The following HEY2 variants were observed in gnomAD, a reference collection of about 807,000 sequenced individuals.
The protein encoded by HEY2 is hes related family bHLH transcription factor with YRPW motif 2.
In HEY2, 10 loss-of-function variants were observed where a neutral mutation model predicts 18.1. The observed-to-expected ratio is 0.55, with a 90% CI of 0.34 to 0.94. The LOEUF is 0.94. Among genes scored for constraint, HEY2 ranks in the 40% least tolerant of loss-of-function variants. HEY2 has a pLI of 0.02. For missense variants in HEY2, 455 were observed against 455.9 expected (o/e 1.00, Z 0.02); for synonymous variants, 210 against 182.7 (o/e 1.15, Z -1.21).
At chr6:125,750,027 G>T (rs1773509212) in intron 1 of HEY2, among the ~76,000 whole-genome samples, 168 bp downstream of exon 1, 1 of 152,196 alleles carries the variant, frequency 6.6e-6, no homozygotes, top group Non-Finnish European at 1.5e-5. Context: ...GCGTGAGTTG[G>T]GATGGGGCAA....
chr6:125,757,105 T>G (rs1416543718), intron 4 of HEY2, among the ~76,000 whole-genome samples: 1 of 152,248 alleles, frequency 6.6e-6, no homozygotes, highest in Non-Finnish European at 1.5e-5. Context: ...ATTCTGTTAG[T>G]TCATTCTTTA....
In HEY2 at chr6:125,759,523, C is replaced by T. The variant is rs144879330; in HGVS notation, c.735C>T (p.Ser245=). 6.8e-4 allele frequency: 1,100 copies of T among 1,610,890 alleles called. No individual in the cohort carries two copies. The highest frequency in any genetic ancestry group is 8.9e-4 in the Non-Finnish European group (1,047 of 1,179,974). The change falls in exon 5 of 5, where the codon AGC becomes AGT. Residue 245 remains serine (S), a synonymous_variant. Transcript: ENST00000368364. The part of the protein sequence containing the change: ...DSALRMPSTG[S]VAPCVPPLST... ...CCCTCCGAATGCCATCCACGGGCAG[C>T]GTCGCCCCCTGCGTGCCACCTCTCT...
chr6:125,750,233 A>G (rs1336530202), intron 1 of HEY2: 5 of 984,202 alleles, frequency 5.1e-6, no homozygotes, highest in Non-Finnish European at 6.0e-6. Context: ...AGGAGAAAAT[A>G]AAAACAATTT....
At chr6:125,750,238 C>T in intron 1 of HEY2, 1 of 984,356 alleles carries the variant, frequency 1.0e-6, no homozygotes, top group Non-Finnish European at 1.2e-6. Context: ...AAAATAAAAA[C>T]AATTTGATTT....
intron 1 of HEY2, chr6:125,750,426 CAA>C (rs1475240990): frequency 1.0e-6 from 1 of 983,482 alleles, no homozygotes; most frequent in Non-Finnish European, 1.2e-6. Context: ...TGCTTGTTCT[CAA>C]GTCTGGAAGA....
At position 125,752,427 on chromosome 6, in the gene HEY2, C is replaced by CAA. The variant is rs56184046; in HGVS notation, c.246+352_246+353dup. On this transcript the variant is annotated intron_variant, in intron 3 of 4. Coordinates refer to ENST00000368364, the MANE Select transcript of HEY2 (RefSeq NM_012259.3). ...AAACTGTGCTGTATACCGTATCCTT[C>CAA]AAAAAAAAAAAAAAAACCATTTTTT... Among the ~76,000 whole-genome samples the CAA allele has an allele frequency of 3.3e-3, 389 of 117,688 alleles. 9 individuals are homozygous for CAA. Among genetic ancestry groups the CAA allele is most frequent in the East Asian group, 9.4e-3 (41 of 4,356 alleles). The allele number at this position is 117,688 out of a possible 152,430, so 77.2% of individuals were successfully genotyped here. A position where few individuals can be genotyped will look rare whatever the true frequency, so the allele number is the denominator to read the frequency against.
chr6:125,754,528 C>A lies in HEY2; in HGVS notation c.310C>A (p.Gln104Lys). 1 of 1,594,230 alleles carries A rather than the reference C, an allele frequency of 6.3e-7. No homozygotes were observed. The highest frequency in any genetic ancestry group is 8.6e-7 in the Non-Finnish European group (1 of 1,168,418). The change falls in exon 4 of 5, where the codon CAG becomes AAG. Residue 104 changes from glutamine (Q) to lysine (K), a missense_variant. Physicochemically the swap from Gln to Lys is moderately conservative, Grantham distance 53. Transcript: ENST00000368364. Reference protein sequence around the residue: ...QMTVDHLKMLQATGGKGYFDA... With the variant: ...QMTVDHLKMLKATGGKGYFDA... ...GACAGTGGATCATTTGAAGATGCTTCAGGCAACAGGGGGTAAAGGTAAGTA... is the reference window on the plus strand; with the variant it reads ...GACAGTGGATCATTTGAAGATGCTTAAGGCAACAGGGGGTAAAGGTAAGTA...
At chr6:125,752,237 G>T in intron 3 of HEY2, 147 bp downstream of exon 3, 2 of 588,740 alleles carry the variant, frequency 3.4e-6, no homozygotes, top group Non-Finnish European at 3.0e-6. Flanking sequence ...ATCTGGCACA[G>T]AGCAGCTATT....
At chr6:125,750,188 T>G (rs902810811) in intron 1 of HEY2, 4 of 948,148 alleles carry the variant, frequency 4.2e-6, no homozygotes, top group Non-Finnish European at 5.0e-6. Flanking sequence ...TCCCAGCCAC[T>G]GAAACCGTAT....
At chr6:125,755,904 G>GCCCCT (rs1773645258) in intron 4 of HEY2, among the ~76,000 whole-genome samples, 1 of 152,206 alleles carries the variant, frequency 6.6e-6, no homozygotes, top group South Asian at 2.1e-4. Flanking sequence ...AGCGCCAAGG[G>GCCCCT]CCCCTGCAGC....
At chr6:125,757,151 G>T (rs1482736363) in intron 4 of HEY2, among the ~76,000 whole-genome samples, 1 of 152,110 alleles carries the variant, frequency 6.6e-6, no homozygotes, top group African/African-American at 2.4e-5. Context: ...ATCTAGAGAG[G>T]ATTTAGTAGA....
At chr6:125,755,022 T>C (rs927823595) in intron 4 of HEY2, among the ~76,000 whole-genome samples, 3 of 152,242 alleles carry the variant, frequency 2.0e-5, no homozygotes, top group Non-Finnish European at 4.4e-5. Context: ...TCCAAAGGAA[T>C]TGACTCTAGA....
Position 125,760,972 on chromosome 6 carries a change from TGTG to T in HEY2, c.*1173_*1175del, listed in dbSNP as rs1359200915. The T allele has an allele frequency of 1.3e-5, 2 of 152,640 alleles. No individual in the cohort carries two copies. Among genetic ancestry groups the T allele is most frequent in the Non-Finnish European group, 2.9e-5 (2 of 68,032 alleles). 9.5% of individuals were successfully genotyped at this position (152,640 alleles called of 1,614,324 possible). On this transcript the variant is annotated 3_prime_UTR_variant, in exon 5 of 5. Transcript: ENST00000368364. ...CTAAACTAGTGCTATGTAATGGGGTTGTGGTTTTGTTTTTTTCGATTTCGTTTA... is the reference window on the plus strand; with the variant it reads ...CTAAACTAGTGCTATGTAATGGGGTTGTTTTGTTTTTTTCGATTTCGTTTA...
intron 4 of HEY2, among the ~76,000 whole-genome samples, chr6:125,757,171 G>A (rs1329767450): frequency 1.3e-5 from 2 of 152,148 alleles, no homozygotes; most frequent in African/African-American, 4.8e-5. Flanking sequence ...AATAACCTAA[G>A]TTTCGAAATC....
At chr6:125,755,975 A>G (rs1380296641) in intron 4 of HEY2, among the ~76,000 whole-genome samples, 1 of 152,204 alleles carries the variant, frequency 6.6e-6, no homozygotes, top group Non-Finnish European at 1.5e-5. Context: ...TGAATTAGTC[A>G]TGCTACAAGA....
chr6:125,758,136 T>C (rs890079192), intron 4 of HEY2, among the ~76,000 whole-genome samples: 2 of 135,704 alleles, frequency 1.5e-5, no homozygotes, highest in African/African-American at 5.3e-5. Flanking sequence ...CATTTCTCCA[T>C]ATGTCTGATT....
chr6:125,759,553 C>G lies in HEY2; in HGVS notation c.765C>G (p.Thr255=). 1.2e-6 allele frequency: 2 copies of G among 1,611,064 alleles called. No individual in the cohort carries two copies. The highest frequency in any genetic ancestry group is 1.7e-6 in the Non-Finnish European group (2 of 1,179,904). ...CCCCCTGCGTGCCACCTCTCTCCAC[C>G]TCTCTCTTGTCCCTCTCTGCCACCG... The part of the protein sequence containing the change: ...SVAPCVPPLS[T]SLLSLSATVH... Residue 255 remains threonine (T), a synonymous_variant, in exon 5 of 5, where the codon ACC becomes ACG. Transcript: ENST00000368364.
At chr6:125,752,170 C>T (rs1257647092) in intron 3 of HEY2, 80 bp downstream of exon 3, 6 of 775,008 alleles carry the variant, frequency 7.7e-6, no homozygotes, top group African/African-American at 1.8e-5. Flanking sequence ...CTGATTCGCT[C>T]ATCTGGGAAT....
intron 3 of HEY2, 87 bp downstream of exon 3, chr6:125,752,177 G>T (rs1773558894): frequency 8.0e-6 from 6 of 749,984 alleles, no homozygotes; most frequent in Non-Finnish European, 1.2e-5. Context: ...GCTCATCTGG[G>T]AATGTGGGTT....
Sources: allele counts gnomAD v4.1 joint callset (sites outside exome capture counted in the v4.1 genomes callset), GRCh38; gene constraint gnomAD v4.1.1; transcripts MANE v1.5; gene names NCBI Gene and HGNC (gene_info 2026-07-23, HGNC 2026-07-21).